Variants in CDH18 observed in about 807,000 individuals in gnomAD.
The protein encoded by CDH18 is cadherin-18.
A neutral mutation model predicts 67.9 loss-of-function variants in CDH18; 31 were observed. The ratio of observed to expected loss-of-function variants is 0.46; its 90% CI spans 0.34 to 0.62. The LOEUF (loss-of-function observed/expected upper bound fraction) is 0.62, where lower values mean the gene tolerates loss of function less well. Among genes scored for constraint, CDH18 ranks in the 20% least tolerant of loss-of-function variants. CDH18 has a pLI of 0.01. For missense variants in CDH18, 890 were observed against 975.5 expected (o/e 0.91, Z 1.17); for synonymous variants, 362 against 347.2 (o/e 1.04, Z -0.48).
chr5:19,885,367 T>A (rs1275730966), intron 2 of CDH18, among the ~76,000 whole-genome samples: 1 of 152,214 alleles, frequency 6.6e-6, no homozygotes, highest in Non-Finnish European at 1.5e-5. Flanking sequence ...CAAATCAGAT[T>A]TGCATACAGC....
At chr5:20,281,017 G>C (rs1322912939) in intron 1 of CDH18, among the ~76,000 whole-genome samples, 1 of 152,302 alleles carries the variant, frequency 6.6e-6, no homozygotes, top group East Asian at 1.9e-4. Context: ...TTTGAGAAGT[G>C]TCTGTTCCTA....
intron 5 of CDH18, among the ~76,000 whole-genome samples, chr5:19,696,348 T>C (rs1976827): frequency 0.97 from 146,072 of 151,202 alleles, 70,754 homozygotes; most frequent in Middle Eastern, 1. Context: ...ACCAGCCTGG[T>C]CAACATGGTG....
intron 1 of CDH18, among the ~76,000 whole-genome samples, chr5:20,533,059 G>A (rs529873921): frequency 2.6e-5 from 4 of 152,090 alleles, no homozygotes; most frequent in Admixed American, 1.3e-4. Flanking sequence ...AGGTTTGGCC[G>A]TATTAACTCA....
intron 1 of CDH18, among the ~76,000 whole-genome samples, chr5:20,393,442 C>T (rs1444184476): frequency 6.6e-6 from 1 of 151,882 alleles, no homozygotes; most frequent in African/African-American, 2.4e-5. Flanking sequence ...TATAGACGAA[C>T]ATTTGTGTGC....
At chr5:20,222,295 G>A (rs1741290021) in intron 2 of CDH18, among the ~76,000 whole-genome samples, 1 of 152,132 alleles carries the variant, frequency 6.6e-6, no homozygotes, top group Non-Finnish European at 1.5e-5. Context: ...AAATCTAATA[G>A]TTAATATATC....
chr5:19,733,010 C>T (rs1051650859), intron 4 of CDH18, among the ~76,000 whole-genome samples: 12 of 152,134 alleles, frequency 7.9e-5, no homozygotes, highest in African/African-American at 1.7e-4. Context: ...ACAGCATCCC[C>T]TGTCAGCAGG....
intron 2 of CDH18, among the ~76,000 whole-genome samples, chr5:20,197,243 C>T (rs1446997118): frequency 6.6e-6 from 1 of 152,126 alleles, no homozygotes; most frequent in African/African-American, 2.4e-5. Flanking sequence ...AACTCCTGAG[C>T]TCAGGCAATC....
chr5:20,121,025 A>C (rs376780012), intron 2 of CDH18, among the ~76,000 whole-genome samples: 1 of 152,172 alleles, frequency 6.6e-6, no homozygotes, highest in East Asian at 1.9e-4. Context: ...TAAGAGGAAA[A>C]TTGCGCATCC....
chr5:20,384,300 G>T (rs1236504270), intron 1 of CDH18, among the ~76,000 whole-genome samples: 1 of 151,936 alleles, frequency 6.6e-6, no homozygotes, highest in Non-Finnish European at 1.5e-5. Context: ...CCATTTTTGT[G>T]GTTTTGACAA....
intron 3 of CDH18, among the ~76,000 whole-genome samples, chr5:19,763,384 A>T (rs765256543): frequency 1.3e-5 from 2 of 152,176 alleles, no homozygotes; most frequent in Non-Finnish European, 2.9e-5. Context: ...CTTCTCAAAG[A>T]GTAGATATGA....
chr5:20,094,919 A>G (rs756467813), intron 2 of CDH18, among the ~76,000 whole-genome samples: 2 of 152,214 alleles, frequency 1.3e-5, no homozygotes, highest in African/African-American at 2.4e-5. Context: ...ATGCCCATCA[A>G]TGATAAACTG....
At chr5:19,555,116 C>T (rs181528696) in intron 8 of CDH18, among the ~76,000 whole-genome samples, 45 of 152,248 alleles carry the variant, frequency 3.0e-4, no homozygotes, top group African/African-American at 7.2e-4. Flanking sequence ...GTACTTCAGA[C>T]GTTGTATGAC....
In CDH18 at chr5:20,371,587, C is replaced by T. The variant is rs192599100; in HGVS notation, c.-579-116082G>A. ...AGAGTTATTTCTAGAAATGTGCCTG[C>T]AATGGGAAGCAAAGAAAGAAAAAAA... On this transcript the variant is annotated intron_variant, in intron 1 of 14. Coordinates refer to the CDH18 transcript ENST00000507958. Among the ~76,000 whole-genome samples, 6 of 152,038 alleles carry T rather than the reference C, an allele frequency of 3.9e-5. No individual in the cohort carries two copies. The East Asian group carries it at 1.2e-3, about 29-fold the overall frequency.
intron 1 of CDH18, among the ~76,000 whole-genome samples, chr5:20,539,743 C>T (rs1293111646): frequency 7.8e-6 from 1 of 128,082 alleles, no homozygotes; most frequent in African/African-American, 2.7e-5. Flanking sequence ...TACACACACA[C>T]ACACACACAC....
At chr5:20,511,552 A>G (rs1755038449) in intron 1 of CDH18, among the ~76,000 whole-genome samples, 1 of 152,222 alleles carries the variant, frequency 6.6e-6, no homozygotes, top group Non-Finnish European at 1.5e-5. Context: ...TATAACCCCT[A>G]TGAACAGTGA....
At chr5:19,553,633 CTTTT>C (rs1021709184) in intron 8 of CDH18, among the ~76,000 whole-genome samples, 1 of 108,774 alleles carries the variant, frequency 9.2e-6, no homozygotes, top group African/African-American at 3.7e-5. Flanking sequence ...TGGTCTCATA[CTTTT>C]TTTTTTTTTT....
intron 2 of CDH18, among the ~76,000 whole-genome samples, chr5:20,112,082 T>A (rs1747526520): frequency 6.6e-6 from 1 of 152,164 alleles, no homozygotes. Flanking sequence ...TTCACACACT[T>A]ATTAAAATTT....
chr5:20,494,609 C>T (rs1208251580), intron 1 of CDH18, among the ~76,000 whole-genome samples: 1 of 152,008 alleles, frequency 6.6e-6, no homozygotes, highest in Admixed American at 6.6e-5. Flanking sequence ...TTGAAGAATG[C>T]CTTCAAAAGA....
intron 11 of CDH18, among the ~76,000 whole-genome samples, chr5:19,491,714 G>C (rs1364771872): frequency 3.3e-5 from 5 of 151,768 alleles, no homozygotes; most frequent in African/African-American, 1.2e-4. Flanking sequence ...AAGAAAAAAA[G>C]TTTTCCTGTT....
Sources: gnomAD v4.1 joint callset for allele counts (sites outside exome capture counted in the v4.1 genomes callset) on GRCh38, gnomAD v4.1.1 for gene constraint, MANE v1.5 for transcripts, NCBI Gene and HGNC (gene_info 2026-07-23, HGNC 2026-07-21) for gene names.